The following ANK2 variants were observed in gnomAD, a reference collection of about 807,000 sequenced individuals.
ANK2 encodes ankyrin-2.
In ANK2, 83 loss-of-function variants were observed where a neutral mutation model predicts 360.5. That is an observed-to-expected ratio of 0.23 (90% CI 0.19 to 0.28). ANK2 has a LOEUF of 0.28. Ranked by LOEUF, ANK2 falls within the 10% of genes least tolerant of loss-of-function variation. ANK2 has a pLI of 1.00. For synonymous variants in ANK2, 1,740 were observed against 1,759.5 expected (o/e 0.99, Z 0.28); for missense variants, 4,201 against 4,795.7 (o/e 0.88, Z 3.66).
At chr4:113,028,443 T>C (rs930392439) in intron 2 of ANK2, among the ~76,000 whole-genome samples, 5 of 152,170 alleles carry the variant, frequency 3.3e-5, no homozygotes, top group African/African-American at 1.2e-4. Flanking sequence ...TGCCAGGCAC[T>C]GTGCTAGGCA....
chr4:113,357,076 A>C lies in ANK2; in HGVS notation c.8458A>C (p.Lys2820Gln), dbSNP rs376908394. 6.2e-7 allele frequency: 1 copy of C among 1,613,978 alleles called. No homozygotes were observed. The highest frequency in any genetic ancestry group is 8.5e-7 in the Non-Finnish European group (1 of 1,179,988). Residue 2820 changes from lysine (K) to glutamine (Q), a missense_variant, in exon 38 of 46, where the codon AAA becomes CAA. By Grantham distance (53) the Lys-to-Gln change is moderately conservative (BLOSUM62 1). Transcript: ENST00000357077. ...ATTAGCTCTCCAAGGCACTCATGAA[A>C]AAGACACAGAGGGAGAAGAGCTTGA... ...ESLALQGTHE[K>Q]DTEGEELDVS...
chr4:113,330,426 C>T lies in ANK2; in HGVS notation c.3081C>T (p.Ala1027=), dbSNP rs2153925778. The change falls in exon 27 of 46, where the codon GCC becomes GCT. Residue 1027 remains alanine, a synonymous_variant. Coordinates refer to ENST00000357077, the MANE Select transcript of ANK2 (RefSeq NM_001148.6). ...CAATGGTGGAAGGAGAAGGCCTGGC[C>T]AGTCGCCTGATCGAAGTTGGACCTT... ...MPPMVEGEGL[A]SRLIEVGPSG... 6.2e-7 allele frequency: 1 copy of T among 1,614,212 alleles called. No homozygotes were observed. Among genetic ancestry groups the T allele is most frequent in the African/African-American group, 1.3e-5 (1 of 75,064 alleles).
chr4:113,007,373 C>A (rs561987770), intron 2 of ANK2, among the ~76,000 whole-genome samples: 2 of 152,064 alleles, frequency 1.3e-5, no homozygotes, highest in Non-Finnish European at 2.9e-5. Flanking sequence ...CACAGAGCAC[C>A]CAAAGATTTA....
chr4:113,197,295 G>A (rs774672825), intron 3 of ANK2, among the ~76,000 whole-genome samples: 6 of 152,280 alleles, frequency 3.9e-5, no homozygotes, highest in East Asian at 1.9e-4. Context: ...AGAAATGCAC[G>A]GGACGCTTGG....
chr4:113,302,901 C>A, intron 23 of ANK2, 62 bp downstream of exon 23: 1 of 1,424,592 alleles, frequency 7.0e-7, no homozygotes, highest in South Asian at 1.1e-5. Context: ...GCAAATTACC[C>A]TTTTTTTCAG....
intron 1 of ANK2, among the ~76,000 whole-genome samples, chr4:113,110,608 G>T (rs2352185): frequency 0.45 from 68,638 of 151,930 alleles, 15,936 homozygotes; most frequent in East Asian, 0.55. Context: ...TGCCAAGTAC[G>T]CATGGATACA....
chr4:112,893,166 T>G (rs1272336791), intron 1 of ANK2, among the ~76,000 whole-genome samples: 2 of 152,146 alleles, frequency 1.3e-5, no homozygotes, highest in African/African-American at 4.8e-5. Flanking sequence ...TTGACTAGAT[T>G]AATATGATAA....
intron 4 of ANK2, among the ~76,000 whole-genome samples, chr4:113,212,623 C>T (rs1032261612): frequency 6.6e-6 from 1 of 152,186 alleles, no homozygotes; most frequent in Non-Finnish European, 1.5e-5. Flanking sequence ...CTGCTTTCTA[C>T]TCATGTAACT....
chr4:112,999,719 C>T (rs1301829542), intron 2 of ANK2, among the ~76,000 whole-genome samples: 1 of 151,406 alleles, frequency 6.6e-6, no homozygotes, highest in Admixed American at 6.6e-5. Context: ...TTCAGAATTC[C>T]AATCATAGAG....
At chr4:112,953,455 A>C (rs2154254274) in intron 2 of ANK2, among the ~76,000 whole-genome samples, 1 of 152,374 alleles carries the variant, frequency 6.6e-6, no homozygotes, top group Non-Finnish European at 1.5e-5. Context: ...GTTAATGATG[A>C]GGACAGCCCT....
intron 2 of ANK2, among the ~76,000 whole-genome samples, chr4:113,193,417 G>T (rs766679388): frequency 2.6e-5 from 4 of 152,134 alleles, no homozygotes; most frequent in Non-Finnish European, 4.4e-5. Flanking sequence ...TAATCCCACC[G>T]CAGTGAATAA....
intron 23 of ANK2, among the ~76,000 whole-genome samples, chr4:113,306,786 G>T (rs2077422917): frequency 6.6e-6 from 1 of 152,188 alleles, no homozygotes; most frequent in South Asian, 2.1e-4. Context: ...GCTAGTAAGT[G>T]GTGGGTGTGG....
At chr4:113,054,697 C>A (rs1166686770) in intron 1 of ANK2, among the ~76,000 whole-genome samples, 1 of 152,018 alleles carries the variant, frequency 6.6e-6, no homozygotes, top group Non-Finnish European at 1.5e-5. Context: ...CAACTTATAA[C>A]CCAAAATAGC....
At chr4:112,969,779 T>G (rs955036892) in intron 2 of ANK2, among the ~76,000 whole-genome samples, 1 of 152,232 alleles carries the variant, frequency 6.6e-6, no homozygotes, top group African/African-American at 2.4e-5. Flanking sequence ...TAGATATGGA[T>G]AACAGTTATT....
At position 113,001,650 on chromosome 4, in the gene ANK2, C is replaced by T. The variant is rs186459967; in HGVS notation, c.21+97136C>T. ...TGACCCTGCTTTGGATTCTGGGAGC[C>T]CACCAAGTAAATTCCACTTACAGTT... On this transcript the variant is annotated intron_variant, in intron 2 of 30. Coordinates refer to the ANK2 transcript ENST00000503271. Among the ~76,000 whole-genome samples, 5 of 152,282 alleles carry T rather than the reference C, an allele frequency of 3.3e-5. No individual in the cohort carries two copies. The East Asian group carries it at 7.7e-4, about 23-fold the overall frequency.
intron 2 of ANK2, among the ~76,000 whole-genome samples, chr4:112,968,264 C>T (rs779900670): frequency 1.3e-5 from 2 of 152,212 alleles, no homozygotes; most frequent in African/African-American, 2.4e-5. Flanking sequence ...CATTGATCTT[C>T]GCAGCCACAG....
intron 23 of ANK2, among the ~76,000 whole-genome samples, chr4:113,304,165 G>A (rs1316587884): frequency 2.0e-5 from 3 of 152,084 alleles, no homozygotes; most frequent in African/African-American, 4.8e-5. Context: ...ATTCCTATAT[G>A]CATATCATAT....
intron 42 of ANK2, among the ~76,000 whole-genome samples, chr4:113,368,703 A>G (rs73844005): frequency 0.018 from 2,763 of 152,324 alleles, 85 homozygotes; most frequent in African/African-American, 0.061. Flanking sequence ...TTTTGTGGTC[A>G]TTGACATGAG....
intron 38 of ANK2, 34 bp downstream of exon 38, chr4:113,359,333 G>A (rs1191798471): frequency 4.3e-6 from 7 of 1,610,934 alleles, no homozygotes; most frequent in East Asian, 4.5e-5. Context: ...CCTGTGCTAC[G>A]CATGTCATAA....
Sources: allele counts gnomAD v4.1 joint callset (sites outside exome capture counted in the v4.1 genomes callset), GRCh38; gene constraint gnomAD v4.1.1; transcripts MANE v1.5; gene names NCBI Gene and HGNC (gene_info 2026-07-23, HGNC 2026-07-21).